TIGAR: variants seen among roughly 807,000 people sequenced by gnomAD.
TIGAR encodes fructose-2,6-bisphosphatase TIGAR.
A neutral mutation model predicts 17.9 loss-of-function variants in TIGAR; 7 were observed. The ratio of observed to expected loss-of-function variants is 0.39; its 90% CI spans 0.22 to 0.73. The LOEUF is 0.73. Ranked by LOEUF, TIGAR falls within the 30% of genes least tolerant of loss-of-function variation. TIGAR has a pLI of 0.42. For missense variants in TIGAR, 258 were observed against 327.4 expected (o/e 0.79, Z 1.64); for synonymous variants, 94 against 108.6 (o/e 0.87, Z 0.84).
At chr12:4,340,333 A>G (rs1324370427) in intron 3 of TIGAR, among the ~76,000 whole-genome samples, 4 of 152,236 alleles carry the variant, frequency 2.6e-5, no homozygotes, top group Non-Finnish European at 1.5e-5. Flanking sequence ...ATACTCAGGA[A>G]TTAACCAAAG....
In TIGAR at chr12:4,333,747, A is replaced by G. The variant is rs573265415; in HGVS notation, c.70+2430A>G. 1.2e-4 allele frequency among the ~76,000 whole-genome samples: 18 copies of G among 152,262 alleles called. No homozygotes were observed. The East Asian group carries it at 3.3e-3, about 28-fold the overall frequency. On this transcript the variant is annotated intron_variant, in intron 2 of 5. Transcript: ENST00000179259. ...CCAAAGTGCTGGGATTGCAGGCGTT[A>G]GCCACCGCGCCTGGCCTAATTTTTG...
At chr12:4,328,330 T>A (rs1864568439) in intron 1 of TIGAR, among the ~76,000 whole-genome samples, 1 of 151,756 alleles carries the variant, frequency 6.6e-6, no homozygotes, top group Admixed American at 6.6e-5. Context: ...TAGCTGGGAT[T>A]ACAGGTGCCT....
chr12:4,354,090 A>G lies in TIGAR; in HGVS notation c.*1399A>G, dbSNP rs902191123. 4 of 152,550 alleles carry G rather than the reference A, an allele frequency of 2.6e-5. No homozygotes were observed. Among genetic ancestry groups the G allele is most frequent in the Non-Finnish European group, 4.4e-5 (3 of 68,048 alleles). The allele number at this position is 152,550 out of a possible 1,614,324, so 9.4% of individuals were successfully genotyped here. On this transcript the variant is annotated 3_prime_UTR_variant, in exon 6 of 6. Coordinates refer to ENST00000179259, the MANE Select transcript of TIGAR (RefSeq NM_020375.3). ...ATGTTGCTAAATGCTGTGAGTCTCA[A>G]CTTTAAAGAGGGTTAATACTAAAGT...
chr12:4,350,540 C>G (rs928764852), intron 4 of TIGAR, among the ~76,000 whole-genome samples: 1 of 152,078 alleles, frequency 6.6e-6, no homozygotes, highest in Non-Finnish European at 1.5e-5. Context: ...CTTTGGGAGG[C>G]CAAGGTGGGC....
intron 3 of TIGAR, among the ~76,000 whole-genome samples, chr12:4,345,754 C>G (rs548765692): frequency 1.6e-4 from 24 of 152,258 alleles, no homozygotes; most frequent in African/African-American, 5.3e-4. Context: ...CCAAAGTTGA[C>G]GAATGGGATC....
At chr12:4,350,047 A>G in intron 4 of TIGAR, 151 bp downstream of exon 4, 1 of 583,144 alleles carries the variant, frequency 1.7e-6, no homozygotes, top group Non-Finnish European at 3.0e-6. Flanking sequence ...TCACTGTTAC[A>G]TACCCTCGTA....
rs1864870491 is a variant in TIGAR, at chr12:4,354,174, A to C, written c.*1483A>C. ...ATTTACTTTGACATCATTTTAAATCATATGTAAAATTCAGTATTATATTGT... is the reference window on the plus strand; with the variant it reads ...ATTTACTTTGACATCATTTTAAATCCTATGTAAAATTCAGTATTATATTGT... On this transcript the variant is annotated 3_prime_UTR_variant, in exon 6 of 6. Coordinates refer to ENST00000179259, the MANE Select transcript of TIGAR (RefSeq NM_020375.3). 6.6e-6 allele frequency: 1 copy of C among 152,282 alleles called. No individual in the cohort carries two copies. The highest frequency in any genetic ancestry group is 2.4e-5 in the African/African-American group (1 of 41,438). 9.4% of individuals were successfully genotyped at this position (152,282 alleles called of 1,614,324 possible). A position where few individuals can be genotyped will look rare whatever the true frequency, so the allele number is the denominator to read the frequency against.
In TIGAR at chr12:4,342,335, T is replaced by G. The variant is rs549303621; in HGVS notation, c.192+5175T>G. ...CTGCAGCATATTATCCAGGAGAACT[T>G]CCCCAACCTAGCAAGGCAGGCCAAC... is the stretch of plus-strand genomic sequence containing the variant. On this transcript the variant is annotated intron_variant, in intron 3 of 5. Transcript: ENST00000179259. Among the ~76,000 whole-genome samples, 3 of 152,192 alleles carry G rather than the reference T, an allele frequency of 2.0e-5. No individual in the cohort carries two copies. In the East Asian group the frequency reaches 5.8e-4, roughly 29 times the overall value.
intron 3 of TIGAR, among the ~76,000 whole-genome samples, chr12:4,339,740 A>C (rs946161515): frequency 6.6e-6 from 1 of 152,268 alleles, no homozygotes; most frequent in Non-Finnish European, 1.5e-5. Context: ...GGATGTTTCA[A>C]CATAAACAAG....
chr12:4,328,797 G>A (rs888931583), intron 1 of TIGAR, among the ~76,000 whole-genome samples: 1 of 151,306 alleles, frequency 6.6e-6, no homozygotes, highest in African/African-American at 2.4e-5. Flanking sequence ...GGCTGGTCCC[G>A]AACTCCTGAC....
chr12:4,331,411 C>T, intron 2 of TIGAR, 94 bp downstream of exon 2: 1 of 1,148,108 alleles, frequency 8.7e-7, no homozygotes, highest in East Asian at 2.4e-5. Flanking sequence ...AGACTGGGGG[C>T]AGCACTCCAT....
Position 4,349,862 on chromosome 12 carries a change from T to G in TIGAR, c.236T>G (p.Met79Arg). 5.1e-6 allele frequency: 8 copies of G among 1,581,372 alleles called. 1 individual carries two copies. The Middle Eastern group carries it at 1.3e-3, about 263-fold the overall frequency. Residue 79 changes from methionine to arginine, a missense_variant, in exon 4 of 6, where the codon ATG becomes AGG. Met to Arg is a moderately conservative substitution (Grantham distance 91). Coordinates refer to ENST00000179259, the MANE Select transcript of TIGAR (RefSeq NM_020375.3). ...ILERSKFCKDMTVKYDSRLRE... is the reference protein window; with the variant it reads ...ILERSKFCKDRTVKYDSRLRE... Reference sequence around the variant, plus strand: ...GAGAGAAGCAAATTTTGCAAAGATATGACGGTAAAGTATGACTCAAGACTT... The same window carrying G: ...GAGAGAAGCAAATTTTGCAAAGATAGGACGGTAAAGTATGACTCAAGACTT...
intron 3 of TIGAR, among the ~76,000 whole-genome samples, chr12:4,347,409 T>C (rs1395362285): frequency 6.6e-6 from 1 of 151,840 alleles, no homozygotes; most frequent in Non-Finnish European, 1.5e-5. Flanking sequence ...GGAAAGGTAG[T>C]AGGGGGAGGT....
At chr12:4,340,301 C>T (rs528208174) in intron 3 of TIGAR, among the ~76,000 whole-genome samples, 1 of 152,224 alleles carries the variant, frequency 6.6e-6, no homozygotes, top group South Asian at 2.1e-4. Flanking sequence ...ATCTCATTTA[C>T]AGTAGCCACA....
Position 4,354,764 on chromosome 12 carries a change from C to G in TIGAR, c.*2073C>G, listed in dbSNP as rs550724894. Among the ~76,000 whole-genome samples the G allele has an allele frequency of 1.6e-4, 22 of 141,016 alleles. No individual in the cohort carries two copies. The South Asian group carries it at 4.5e-3, about 29-fold the overall frequency. The allele number at this position is 141,016 out of a possible 152,430, so 92.5% of individuals were successfully genotyped here. ...TTTTTTTTTTGGAGACAGAGTCTCT[C>G]TCTGTTGCCCAGGCTGGGGTGCAAT... On this transcript the variant is annotated 3_prime_UTR_variant, in exon 6 of 6. Coordinates refer to ENST00000179259, the MANE Select transcript of TIGAR (RefSeq NM_020375.3).
Position 4,352,491 on chromosome 12 carries a change from CTGTT to C in TIGAR, c.616_619del (p.Phe206IlefsTer4), listed in dbSNP as rs780956319. The C allele has an allele frequency of 2.5e-6, 4 of 1,613,996 alleles. No individual in the cohort carries two copies. Among genetic ancestry groups the C allele is most frequent in the African/African-American group, 2.7e-5 (2 of 74,908 alleles). Reference sequence around the variant, plus strand: ...GAGTCACGGTGCTTACATGAGAAGTCTGTTTGATTATTTTCTGACTGACCTTAAG... The same window carrying C: ...GAGTCACGGTGCTTACATGAGAAGTCTGATTATTTTCTGACTGACCTTAAG... On this transcript the variant is annotated frameshift_variant, in exon 6 of 6. Transcript: ENST00000179259. LOFTEE classifies it low-confidence loss of function (END_TRUNC).
At position 4,328,959 on chromosome 12, in the gene TIGAR, G is replaced by A. The variant is rs187802044; in HGVS notation, c.33-2321G>A. On this transcript the variant is annotated intron_variant, in intron 1 of 5. Coordinates refer to ENST00000179259, the MANE Select transcript of TIGAR (RefSeq NM_020375.3). Reference sequence around the variant, plus strand: ...TATTTAGAAATCAAAACAATTCTCCGTAGTCTTCCTATTCTTCCCCCAACC... The same window carrying A: ...TATTTAGAAATCAAAACAATTCTCCATAGTCTTCCTATTCTTCCCCCAACC... 1.9e-4 allele frequency among the ~76,000 whole-genome samples: 29 copies of A among 152,170 alleles called. No individual in the cohort carries two copies. In the East Asian group the frequency reaches 4.6e-3, roughly 24 times the overall value.
intron 3 of TIGAR, among the ~76,000 whole-genome samples, chr12:4,338,796 G>T (rs920302568): frequency 6.6e-6 from 1 of 151,784 alleles, no homozygotes; most frequent in Non-Finnish European, 1.5e-5. Flanking sequence ...TGGGCAATAC[G>T]GTGAAACACC....
intron 3 of TIGAR, among the ~76,000 whole-genome samples, chr12:4,346,748 G>C (rs1167792572): frequency 6.6e-6 from 1 of 151,532 alleles, no homozygotes; most frequent in African/African-American, 2.4e-5. Flanking sequence ...AGAACTTAAA[G>C]TATAATAAAA....
Sources: gnomAD v4.1 joint callset for allele counts (sites outside exome capture counted in the v4.1 genomes callset) on GRCh38, gnomAD v4.1.1 for gene constraint, MANE v1.5 for transcripts, NCBI Gene and HGNC (gene_info 2026-07-23, HGNC 2026-07-21) for gene names.